The following IGFBP6 variants were observed in gnomAD, a reference collection of about 807,000 sequenced individuals.
IGFBP6 encodes insulin-like growth factor-binding protein 6.
Under a neutral mutation model 24.5 loss-of-function variants are expected in IGFBP6, and 24 were observed. The ratio of observed to expected loss-of-function variants is 0.98; its 90% CI spans 0.71 to 1.38. The LOEUF (loss-of-function observed/expected upper bound fraction) is 1.38, where lower values mean the gene tolerates loss of function less well. Among genes scored for constraint, IGFBP6 ranks in the 40% most tolerant of loss-of-function variants. IGFBP6 has a pLI of 0.00. For missense variants in IGFBP6, 331 were observed against 324.8 expected (o/e 1.02, Z -0.15); for synonymous variants, 147 against 137.4 (o/e 1.07, Z -0.49).
In IGFBP6 at chr12:53,097,984, C is replaced by A; in HGVS notation, c.267C>A (p.Asp89Glu). 6.6e-7 allele frequency: 1 copy of A among 1,515,916 alleles called. No homozygotes were observed. Among genetic ancestry groups the A allele is most frequent in the South Asian group, 1.2e-5 (1 of 81,250 alleles). The allele number at this position is 1,515,916 out of a possible 1,614,324, so 93.9% of individuals were successfully genotyped here. The change falls in exon 1 of 4, where the codon GAC (aspartate) becomes GAA (glutamate). Residue 89 changes from aspartate to glutamate, a missense_variant. Transcript: ENST00000301464. Reference sequence around the variant, plus strand: ...GACTGCAGTGCCATCCGCCCAAGGACGACGAGGCGCCTTTGCGGGCGCTGC... The same window carrying A: ...GACTGCAGTGCCATCCGCCCAAGGAAGACGAGGCGCCTTTGCGGGCGCTGC... The part of the protein sequence containing the change: ...APGLQCHPPK[D>E]DEAPLRALLL...
At chr12:53,099,964 A>G (rs1372514239) in intron 1 of IGFBP6, among the ~76,000 whole-genome samples, 1 of 151,778 alleles carries the variant, frequency 6.6e-6, no homozygotes, top group Non-Finnish European at 1.5e-5. Context: ...AGTTCAAGCG[A>G]TTCTCCTGTC....
chr12:53,101,007 A>G, intron 2 of IGFBP6, 34 bp from the exon 3 acceptor site: 6 of 1,609,380 alleles, frequency 3.7e-6, no homozygotes, highest in Non-Finnish European at 5.1e-6. Context: ...GCTGGGCTGG[A>G]GCGGTTCTAA....
rs779471953 is a variant in IGFBP6 at position 53,102,037 on chromosome 12, C to G, written c.601-8C>G. The G allele has an allele frequency of 6.2e-7, 1 of 1,611,692 alleles. No homozygotes were observed. Among genetic ancestry groups the G allele is most frequent in the Admixed American group, 1.7e-5 (1 of 59,938 alleles). ...CCTCACTCCTGACCTGTGTGCCTCT[C>G]TCTCCAGTGCCGCTCCTCCCAGGGG... is the stretch of plus-strand genomic sequence containing the variant. On this transcript the variant is annotated splice_polypyrimidine_tract_variant and splice_region_variant and intron_variant, in intron 3 of 3. Transcript: ENST00000301464.
Position 53,097,836 on chromosome 12 carries a change from G to A in IGFBP6, c.119G>A (p.Cys40Tyr). Residue 40 changes from cysteine to tyrosine, a missense_variant, in exon 1 of 4, where the codon TGT becomes TAT. Cys to Tyr is a radical substitution (Grantham distance 194, BLOSUM62 -2). Coordinates refer to ENST00000301464, the MANE Select transcript of IGFBP6 (RefSeq NM_002178.3). Reference protein sequence around the residue: ...PGCGQGVQAGCPGGCVEEEDG... With the variant: ...PGCGQGVQAGYPGGCVEEEDG... The stretch of plus-strand genomic sequence containing the variant: ...TGCGGGCAAGGGGTGCAGGCGGGTT[G>A]TCCAGGGGGCTGCGTGGAGGAGGAG... The A allele has an allele frequency of 6.5e-7, 1 of 1,534,350 alleles. No individual in the cohort carries two copies. The highest frequency in any genetic ancestry group is 8.8e-7 in the Non-Finnish European group (1 of 1,142,682).
rs549847406 is a variant in IGFBP6, at chr12:53,098,018, C to G, written c.301C>G (p.Arg101Gly). The G allele has an allele frequency of 1.1e-5, 16 of 1,499,996 alleles. No individual in the cohort carries two copies. Among genetic ancestry groups the G allele is most frequent in the South Asian group, 5.1e-5 (4 of 78,876 alleles). The allele number at this position is 1,499,996 out of a possible 1,614,324, so 92.9% of individuals were successfully genotyped here. The stretch of plus-strand genomic sequence containing the variant: ...GCCTTTGCGGGCGCTGCTGCTCGGC[C>G]GAGGCCGCTGCCTTCCGGCCCGCGC... ...EAPLRALLLG[R>G]GRCLPARAPA... The change falls in exon 1 of 4, where the codon CGA (arginine) becomes GGA (glycine). Residue 101 changes from arginine (R) to glycine (G), a missense_variant. Arg to Gly is a moderately radical substitution (Grantham distance 125, BLOSUM62 -2). Coordinates refer to ENST00000301464, the MANE Select transcript of IGFBP6 (RefSeq NM_002178.3).
intron 1 of IGFBP6, among the ~76,000 whole-genome samples, chr12:53,098,694 A>G (rs1393046477): frequency 6.6e-6 from 1 of 152,084 alleles, no homozygotes; most frequent in Non-Finnish European, 1.5e-5. Context: ...CAGGGTTATG[A>G]TTTAAACCTG....
chr12:53,102,073 G>A lies in IGFBP6; in HGVS notation c.629G>A (p.Gly210Asp). 3.7e-6 allele frequency: 6 copies of A among 1,613,982 alleles called. No homozygotes were observed. Among genetic ancestry groups the A allele is most frequent in the Non-Finnish European group, 5.1e-6 (6 of 1,180,016 alleles). ...CGCTCCTCCCAGGGGCAGCGCCGAG[G>A]TCCCTGCTGGTGTGTGGATCGGATG... ...QCRSSQGQRR[G>D]PCWCVDRMGK... Residue 210 changes from glycine to aspartate, a missense_variant, in exon 4 of 4, where the codon GGT becomes GAT. Physicochemically the swap from Gly to Asp is moderately conservative, Grantham distance 94. Transcript: ENST00000301464.
At chr12:53,098,494 C>A (rs1387621220) in intron 1 of IGFBP6, among the ~76,000 whole-genome samples, 1 of 152,182 alleles carries the variant, frequency 6.6e-6, no homozygotes, top group East Asian at 1.9e-4. Flanking sequence ...CTCTGAAATT[C>A]TGCACACACT....
intron 1 of IGFBP6, chr12:53,099,058 G>C: frequency 4.4e-6 from 1 of 227,930 alleles, no homozygotes; most frequent in South Asian, 3.9e-5. Context: ...GGCATCCTGA[G>C]GAAGAAGGAT....
intron 1 of IGFBP6, among the ~76,000 whole-genome samples, 154 bp downstream of exon 1, chr12:53,098,205 G>T (rs1158904893): frequency 7.2e-5 from 11 of 152,290 alleles, no homozygotes; most frequent in Admixed American, 7.2e-4. Flanking sequence ...GGGGAGAAGG[G>T]GCAAGTGCAG....
chr12:53,100,765 C>G lies in IGFBP6; in HGVS notation c.388C>G (p.Gln130Glu), dbSNP rs1937812880. 1 of 1,614,176 alleles carries G rather than the reference C, an allele frequency of 6.2e-7. No individual in the cohort carries two copies. Among genetic ancestry groups the G allele is most frequent in the Non-Finnish European group, 8.5e-7 (1 of 1,180,028 alleles). Residue 130 changes from glutamine (Q) to glutamate (E), a missense_variant, in exon 2 of 4, where the codon CAG becomes GAG. Coordinates refer to ENST00000301464, the MANE Select transcript of IGFBP6 (RefSeq NM_002178.3). ...ACCCCAAGCAGGCACTGCCCGCCCACAGGATGTGAACCGCAGAGACCAACA... is the reference window on the plus strand; with the variant it reads ...ACCCCAAGCAGGCACTGCCCGCCCAGAGGATGTGAACCGCAGAGACCAACA... ...SKPQAGTARPQDVNRRDQQRN... is the reference protein window; with the variant it reads ...SKPQAGTARPEDVNRRDQQRN...
chr12:53,097,684 T>G lies in IGFBP6; in HGVS notation c.-34T>G, dbSNP rs1405515087. On this transcript the variant is annotated 5_prime_UTR_variant, in exon 1 of 4. Coordinates refer to ENST00000301464, the MANE Select transcript of IGFBP6 (RefSeq NM_002178.3). ...CGGGCAGCAGCTGCGCTGCGACTGCTCTGGAAGGAGAGGACGGGGCACAAA... is the reference window on the plus strand; with the variant it reads ...CGGGCAGCAGCTGCGCTGCGACTGCGCTGGAAGGAGAGGACGGGGCACAAA... 5 of 1,534,562 alleles carry G rather than the reference T, an allele frequency of 3.3e-6. No homozygotes were observed. The South Asian group carries it at 6.0e-5, about 18-fold the overall frequency.
In IGFBP6 at chr12:53,097,863, A is replaced by G; in HGVS notation, c.146A>G (p.Asp49Gly). The G allele has an allele frequency of 1.3e-6, 2 of 1,519,256 alleles. No individual in the cohort carries two copies. The highest frequency in any genetic ancestry group is 1.8e-6 in the Non-Finnish European group (2 of 1,136,664). 94.1% of individuals were successfully genotyped at this position (1,519,256 alleles called of 1,614,324 possible). The change falls in exon 1 of 4, where the codon GAT (aspartate) becomes GGT (glycine). Residue 49 changes from aspartate to glycine, a missense_variant. Coordinates refer to ENST00000301464, the MANE Select transcript of IGFBP6 (RefSeq NM_002178.3). ...GCPGGCVEEE[D>G]GGSPAEGCAE... ...CCAGGGGGCTGCGTGGAGGAGGAGGATGGGGGGTCGCCAGCCGAGGGCTGC... is the reference window on the plus strand; with the variant it reads ...CCAGGGGGCTGCGTGGAGGAGGAGGGTGGGGGGTCGCCAGCCGAGGGCTGC...
chr12:53,102,188 G>T lies in IGFBP6; in HGVS notation c.*21G>T. On this transcript the variant is annotated 3_prime_UTR_variant, in exon 4 of 4. Transcript: ENST00000301464. ...GCTAAAGCTGGGGGATAGAGGGGCTGCAGGGCCACTGGAAGGAACATGGAG... is the reference window on the plus strand; with the variant it reads ...GCTAAAGCTGGGGGATAGAGGGGCTTCAGGGCCACTGGAAGGAACATGGAG... 1 of 1,612,816 alleles carries T rather than the reference G, an allele frequency of 6.2e-7. No homozygotes were observed. The highest frequency in any genetic ancestry group is 8.5e-7 in the Non-Finnish European group (1 of 1,179,554).
In IGFBP6 at chr12:53,101,134, C is replaced by T. The variant is rs767014549; in HGVS notation, c.574C>T (p.His192Tyr). 2 of 1,614,012 alleles carry T rather than the reference C, an allele frequency of 1.2e-6. No homozygotes were observed. Among genetic ancestry groups the T allele is most frequent in the Non-Finnish European group, 1.7e-6 (2 of 1,179,968 alleles). ...AQTLYVPNCD[H>Y]RGFYRKRQCR... The stretch of plus-strand genomic sequence containing the variant: ...AACACTCTACGTGCCCAATTGTGAC[C>T]ATCGAGGCTTCTACCGGAAGCGGCA... The change falls in exon 3 of 4, where the codon CAT (histidine) becomes TAT (tyrosine). Residue 192 changes from histidine to tyrosine, a missense_variant. Transcript: ENST00000301464.
Position 53,101,065 on chromosome 12 carries a change from T to G in IGFBP6, c.505T>G (p.Ser169Ala). ...GGGCCCATGCCGTAGACATCTGGACTCAGTGCTGCAGCAACTCCAGACTGA... is the reference window on the plus strand; with the variant it reads ...GGGCCCATGCCGTAGACATCTGGACGCAGTGCTGCAGCAACTCCAGACTGA... ...EMGPCRRHLDSVLQQLQTEVY... is the reference protein window; with the variant it reads ...EMGPCRRHLDAVLQQLQTEVY... The change falls in exon 3 of 4, where the codon TCA (serine) becomes GCA (alanine). Residue 169 changes from serine to alanine, a missense_variant. Transcript: ENST00000301464. 2 of 1,614,196 alleles carry G rather than the reference T, an allele frequency of 1.2e-6. No individual in the cohort carries two copies. Among genetic ancestry groups the G allele is most frequent in the Non-Finnish European group, 1.7e-6 (2 of 1,180,024 alleles).
chr12:53,099,838 A>T (rs1937799292), intron 1 of IGFBP6, among the ~76,000 whole-genome samples: 1 of 143,946 alleles, frequency 6.9e-6, no homozygotes, highest in African/African-American at 2.8e-5. Context: ...AATTTTTTTT[A>T]ATTAAGTAAT....
rs567070596 is a variant in IGFBP6, at chr12:53,101,149, C to T, written c.589C>T (p.Arg197Trp). The T allele has an allele frequency of 5.4e-5, 87 of 1,614,008 alleles. 1 individual carries two copies. In the South Asian group the frequency reaches 8.3e-4, roughly 15 times the overall value. The change falls in exon 3 of 4, where the codon CGG becomes TGG. Residue 197 changes from arginine (R) to tryptophan (W), a missense_variant. By Grantham distance (101) the Arg-to-Trp change is moderately radical (BLOSUM62 -3). Coordinates refer to ENST00000301464, the MANE Select transcript of IGFBP6 (RefSeq NM_002178.3). ...CAATTGTGACCATCGAGGCTTCTAC[C>T]GGAAGCGGCAGGTGAGACTATTTTT... ...VPNCDHRGFYRKRQCRSSQGQ... is the reference protein window; with the variant it reads ...VPNCDHRGFYWKRQCRSSQGQ...
chr12:53,100,684 A>C (rs1937811289), intron 1 of IGFBP6, 28 bp from the exon 2 acceptor site: 1 of 1,612,988 alleles, frequency 6.2e-7, no homozygotes, highest in Non-Finnish European at 8.5e-7. Context: ...CTGATTTCTG[A>C]CCTCTCCTTC....
Sources: allele counts gnomAD v4.1 joint callset (sites outside exome capture counted in the v4.1 genomes callset), GRCh38; gene constraint gnomAD v4.1.1; transcripts MANE v1.5; gene names NCBI Gene and HGNC (gene_info 2026-07-23, HGNC 2026-07-21).